Variants in USH2A observed in about 807,000 individuals in gnomAD.
USH2A encodes the protein Usher syndrome 2A (autosomal recessive, mild).
Under a neutral mutation model 538.9 loss-of-function variants are expected in USH2A, and 443 were observed. The ratio of observed to expected loss-of-function variants is 0.82; its 90% CI spans 0.76 to 0.89. The LOEUF (loss-of-function observed/expected upper bound fraction) is 0.89, where lower values mean the gene tolerates loss of function less well. USH2A is among the 40% of genes least tolerant of loss of function. USH2A has a pLI of 0.00. For synonymous variants in USH2A, 2,413 were observed against 2,273.5 expected (o/e 1.06, Z -1.75); for missense variants, 6,633 against 6,324.8 (o/e 1.05, Z -1.65).
chr1:216,269,385 G>A (rs1297867638), intron 11 of USH2A, among the ~76,000 whole-genome samples: 1 of 152,036 alleles, frequency 6.6e-6, no homozygotes, highest in East Asian at 1.9e-4. Context: ...CCATGATCGT[G>A]AGGCCTCCCC....
intron 61 of USH2A, among the ~76,000 whole-genome samples, chr1:215,715,503 C>G (rs976560869): frequency 6.6e-6 from 1 of 152,160 alleles, no homozygotes; most frequent in Non-Finnish European, 1.5e-5. Context: ...TTAGAAAACA[C>G]TGCTGTTGGG....
rs373620759 is a variant in USH2A at position 215,728,499 on chromosome 1, T to G, written c.11712-115A>C. ...GTTATCAACTTAACTTTTCAGCTGT[T>G]TCTTCCTGGTGTCATAGTAAAGAAA... On this transcript the variant is annotated intron_variant, in intron 60 of 71. Transcript: ENST00000307340. The G allele has an allele frequency of 4.6e-4, 470 of 1,024,416 alleles. 6 individuals carry two copies. In the South Asian group the frequency reaches 6.2e-3, roughly 14 times the overall value. 63.5% of individuals were successfully genotyped at this position (1,024,416 alleles called of 1,614,324 possible).
intron 4 of USH2A, among the ~76,000 whole-genome samples, chr1:216,341,153 G>T (rs922670840): frequency 2.6e-5 from 4 of 152,050 alleles, no homozygotes; most frequent in African/African-American, 4.8e-5. Context: ...AAAGTCTCAG[G>T]ATACAAAATC....
At position 215,986,310 on chromosome 1, in the gene USH2A, C is replaced by CTT. The variant is rs34962559; in HGVS notation, c.6805+6708_6805+6709dup. ...AATTTTTTTTTTCTTTTTTCTTTTTCTTTTTTTTTTTTTTTTGGTAGAGAC... is the reference window on the plus strand; with the variant it reads ...AATTTTTTTTTTCTTTTTTCTTTTTCTTTTTTTTTTTTTTTTTTGGTAGAGAC... On this transcript the variant is annotated intron_variant, in intron 35 of 71. Transcript: ENST00000307340. Among the ~76,000 whole-genome samples, 1,266 of 131,376 alleles carry CTT rather than the reference C, an allele frequency of 9.6e-3. 20 individuals carry two copies. Among genetic ancestry groups the CTT allele is most frequent in the East Asian group, 0.031 (135 of 4,326 alleles). 86.2% of individuals were successfully genotyped at this position (131,376 alleles called of 152,430 possible).
At position 216,199,777 on chromosome 1, in the gene USH2A, G is replaced by A. The variant is rs767797828; in HGVS notation, c.3661C>T (p.Gln1221Ter). ...VPFAKYDFSV[Q>*]ACTSGGCLHS... ...AAACAGCCCCCGCTAGTACACGCCT[G>A]TACAGAAAAATCGTACTTGGCAAAT... is the stretch of plus-strand genomic sequence containing the variant. Residue 1221 changes from glutamine (Q) to a stop codon, truncating the protein, a stop_gained, in exon 17 of 72, where the codon CAG becomes TAG. Coordinates refer to ENST00000307340, the MANE Select transcript of USH2A (RefSeq NM_206933.4). LOFTEE classifies it high-confidence loss of function. 2 of 1,614,126 alleles carry A rather than the reference G, an allele frequency of 1.2e-6. No homozygotes were observed. The highest frequency in any genetic ancestry group is 2.2e-5 in the South Asian group (2 of 91,084).
chr1:216,349,874 A>T (rs950157899), intron 4 of USH2A, among the ~76,000 whole-genome samples: 1 of 152,196 alleles, frequency 6.6e-6, no homozygotes, highest in African/African-American at 2.4e-5. Context: ...AGACATCAGT[A>T]ACAAAGGATA....
At chr1:215,937,164 C>T (rs1463537411) in intron 37 of USH2A, among the ~76,000 whole-genome samples, 4 of 151,706 alleles carry the variant, frequency 2.6e-5, no homozygotes, top group South Asian at 2.1e-4. Flanking sequence ...TGGGCTAAAA[C>T]GTGACAATGA....
chr1:216,083,412 G>A (rs771810030), intron 26 of USH2A, 44 bp downstream of exon 26: 1 of 1,587,042 alleles, frequency 6.3e-7, no homozygotes, highest in Non-Finnish European at 8.6e-7. Flanking sequence ...TTTAAAGTTG[G>A]GTCCTATATT....
chr1:215,822,117 G>A (rs115383745), intron 47 of USH2A, among the ~76,000 whole-genome samples: 1,838 of 151,722 alleles, frequency 0.012, 44 homozygotes, highest in African/African-American at 0.042. Context: ...GTGTTTTGTG[G>A]TTCCATATAA....
chr1:216,098,066 G>A (rs12096643), intron 21 of USH2A, among the ~76,000 whole-genome samples: 3,724 of 100,218 alleles, frequency 0.037, 279 homozygotes, highest in African/African-American at 0.14. Flanking sequence ...TCCCCCTACC[G>A]TTACATGGCC....
At chr1:216,023,459 C>A (rs367994709) in intron 32 of USH2A, among the ~76,000 whole-genome samples, 285 of 46,818 alleles carry the variant, frequency 6.1e-3, no homozygotes, top group Admixed American at 7.7e-3. Context: ...TCAAAGCAGA[C>A]AAAAAAAAAA....
intron 4 of USH2A, 81 bp from the exon 5 acceptor site, chr1:216,327,735 T>C (rs552447218): frequency 6.5e-7 from 1 of 1,535,086 alleles, no homozygotes; most frequent in East Asian, 2.3e-5. Flanking sequence ...TGATATTCCT[T>C]TGAAGATGTT....
intron 38 of USH2A, among the ~76,000 whole-genome samples, chr1:215,921,283 A>T (rs1341885819): frequency 6.6e-6 from 1 of 152,058 alleles, no homozygotes; most frequent in Non-Finnish European, 1.5e-5. Context: ...CTGGCAAAGG[A>T]TGAGTCCAAC....
chr1:215,809,350 T>C (rs1243750165), intron 49 of USH2A, among the ~76,000 whole-genome samples: 1 of 152,110 alleles, frequency 6.6e-6, no homozygotes, highest in African/African-American at 2.4e-5. Context: ...TACTTTTTTT[T>C]AAAGCCTCTT....
At position 215,650,757 on chromosome 1, in the gene USH2A, T is replaced by C. The variant is rs1438536339; in HGVS notation, c.14178A>G (p.Thr4726=). 2 of 1,612,708 alleles carry C rather than the reference T, an allele frequency of 1.2e-6. No homozygotes were observed. Among genetic ancestry groups the C allele is most frequent in the Non-Finnish European group, 1.7e-6 (2 of 1,179,856 alleles). ...GTGGGGCTGGCCCGGTTCTGCACCA[T>C]GTCCAGCTACTGGGGGCTTTTCCTG... ...NSAGKAPSSW[T]WCRTGPAPPE... The change falls in exon 65 of 72, where the codon ACA becomes ACG. Residue 4726 remains threonine (T), a synonymous_variant. Coordinates refer to ENST00000307340, the MANE Select transcript of USH2A (RefSeq NM_206933.4).
intron 61 of USH2A, among the ~76,000 whole-genome samples, chr1:215,696,690 C>T (rs111919211): frequency 0.014 from 2,141 of 152,186 alleles, 55 homozygotes; most frequent in African/African-American, 0.045. Context: ...CAGACTTGTG[C>T]CCCTGCTCTC....
chr1:216,338,085 C>T (rs2038008094), intron 4 of USH2A, among the ~76,000 whole-genome samples: 1 of 151,114 alleles, frequency 6.6e-6, no homozygotes, highest in African/African-American at 2.4e-5. Context: ...TATAAATTAT[C>T]CCTAAGCTGT....
At chr1:216,413,791 T>A (rs2039532273) in intron 3 of USH2A, among the ~76,000 whole-genome samples, 1 of 152,112 alleles carries the variant, frequency 6.6e-6, no homozygotes, top group East Asian at 1.9e-4. Flanking sequence ...GTTCCACAGC[T>A]GTAGTATTTC....
At chr1:215,704,822 C>T (rs1257889464) in intron 61 of USH2A, among the ~76,000 whole-genome samples, 1 of 152,142 alleles carries the variant, frequency 6.6e-6, no homozygotes, top group Non-Finnish European at 1.5e-5. Flanking sequence ...CTTGACTCCC[C>T]AGACTGAGTT....
Sources: gnomAD v4.1 joint callset for allele counts (sites outside exome capture counted in the v4.1 genomes callset) on GRCh38, gnomAD v4.1.1 for gene constraint, MANE v1.5 for transcripts, NCBI Gene and HGNC (gene_info 2026-07-23, HGNC 2026-07-21) for gene names.